Variants in MATK observed in about 807,000 individuals in gnomAD.
MATK encodes megakaryocyte-associated tyrosine-protein kinase.
MATK carries 41 observed loss-of-function variants against 59.8 expected under a neutral mutation model. The ratio of observed to expected loss-of-function variants is 0.69; its 90% CI spans 0.53 to 0.89. MATK has a LOEUF of 0.89. MATK is among the 40% of genes least tolerant of loss of function. MATK has a pLI of 0.00. For synonymous variants in MATK, 308 were observed against 306.1 expected (o/e 1.01, Z -0.06); for missense variants, 593 against 719.6 (o/e 0.82, Z 2.01).
chr19:3,788,258 G>A (rs2037508098), upstream of MATK, among the ~76,000 whole-genome samples: 1 of 151,750 alleles, frequency 6.6e-6, no homozygotes, highest in Admixed American at 6.6e-5. Context: ...GGAGGCCAAG[G>A]CGGGCAGATC....
At position 3,784,866 on chromosome 19, in the gene MATK, G is replaced by A. The variant is rs1432135911; in HGVS notation, c.91C>T (p.Arg31Ter). 22 of 1,545,790 alleles carry A rather than the reference G, an allele frequency of 1.4e-5. No individual in the cohort carries two copies. Among genetic ancestry groups the A allele is most frequent in the Non-Finnish European group, 1.3e-5 (15 of 1,141,444 alleles). ...GAGACGGGAGGGGGGTGCCAGGCTC[G>A]GAGGAAGCGGGGGCTCACCTGGGGA... The part of the protein sequence containing the change: ...ELPRVSPRFL[R>*]AWHPPPVSAR... The change falls in exon 3 of 14, where the codon CGA (arginine) becomes TGA (stop). Residue 31 changes from arginine to a stop codon, truncating the protein, a stop_gained. Transcript: ENST00000310132. LOFTEE classifies it high-confidence loss of function.
At position 3,778,237 on chromosome 19, in the gene MATK, G is replaced by T; in HGVS notation, c.1470C>A (p.Ser490=). 2 of 1,575,306 alleles carry T rather than the reference G, an allele frequency of 1.3e-6. No homozygotes were observed. The change falls in exon 14 of 14, where the codon TCC becomes TCA. Residue 490 remains serine, a synonymous_variant. Coordinates refer to ENST00000310132, the MANE Select transcript of MATK (RefSeq NM_139355.3). ...AGCCGTCGGCGTCCTGCCCTGAGAC[G>T]GAGGCTGGGGCACCTGCACTGCGTA... ...RELRSAGAPA[S]VSGQDADGST...
chr19:3,784,346 C>A lies in MATK; in HGVS notation c.238G>T (p.Ala80Ser), dbSNP rs1438899258. 1.2e-6 allele frequency: 2 copies of A among 1,606,350 alleles called. No homozygotes were observed. Among genetic ancestry groups the A allele is most frequent in the Non-Finnish European group, 1.7e-6 (2 of 1,177,410 alleles). The change falls in exon 4 of 14, where the codon GCC becomes TCC. Residue 80 changes from alanine to serine, a missense_variant. Ala to Ser is a moderately conservative substitution (Grantham distance 99). Coordinates refer to ENST00000310132, the MANE Select transcript of MATK (RefSeq NM_139355.3). The part of the protein sequence containing the change: ...RKGDVVTILE[A>S]CENKSWYRVK... ...CGCCGGCCACCTCTCACCTCGCAGGCCTCCAGGATGGTGACCACGTCGCCC... is the reference window on the plus strand; with the variant it reads ...CGCCGGCCACCTCTCACCTCGCAGGACTCCAGGATGGTGACCACGTCGCCC...
chr19:3,786,268 G>C lies in MATK; in HGVS notation c.-251C>G. 2.0e-6 allele frequency: 2 copies of C among 985,228 alleles called. No homozygotes were observed. The highest frequency in any genetic ancestry group is 2.4e-6 in the Non-Finnish European group (2 of 829,864). The allele number at this position is 985,228 out of a possible 1,614,324, so 61.0% of individuals were successfully genotyped here. On this transcript the variant is annotated 5_prime_UTR_variant, in exon 1 of 14. Coordinates refer to ENST00000310132, the MANE Select transcript of MATK (RefSeq NM_139355.3). The surrounding 1 kb of genome is among the most constrained non-coding windows in gnomAD (Gnocchi z 4.1). ...CGAGGCGGTCCCGGCTGCACAACTT[G>C]GAGCGAGTTGCTCCGTTTCCTCATT...
chr19:3,788,653 A>C (rs921972258), upstream of MATK, among the ~76,000 whole-genome samples: 1 of 146,410 alleles, frequency 6.8e-6, no homozygotes, highest in Non-Finnish European at 1.5e-5. Context: ...TAGAGATGGG[A>C]TCTGGCTATG....
intron 12 of MATK, 113 bp from the exon 13 acceptor site, chr19:3,778,708 T>C: frequency 4.1e-6 from 5 of 1,221,724 alleles, no homozygotes; most frequent in Non-Finnish European, 5.8e-6. Flanking sequence ...CTTCTCCTAA[T>C]TGAGTCCTCC....
chr19:3,795,433 C>T (rs767169779), intron 1 of MATK, among the ~76,000 whole-genome samples: 14 of 151,834 alleles, frequency 9.2e-5, no homozygotes, highest in Admixed American at 5.9e-4. Flanking sequence ...CCACCACACC[C>T]GGCTAATTTT....
At chr19:3,782,108 C>T (rs1045431683) in intron 7 of MATK, among the ~76,000 whole-genome samples, 3 of 152,136 alleles carry the variant, frequency 2.0e-5, no homozygotes, top group Non-Finnish European at 1.5e-5. Flanking sequence ...TGGGCTCTTC[C>T]CTACACAGTT....
intron 1 of MATK, among the ~76,000 whole-genome samples, chr19:3,794,042 G>A (rs1254021304): frequency 6.6e-6 from 1 of 152,000 alleles, no homozygotes; most frequent in Non-Finnish European, 1.5e-5. Context: ...CTTTGCACAT[G>A]CTCTTCCTAT....
At chr19:3,780,454 G>T (rs954406696) in intron 8 of MATK, among the ~76,000 whole-genome samples, 16 of 151,836 alleles carry the variant, frequency 1.1e-4, no homozygotes, top group African/African-American at 3.6e-4. Flanking sequence ...TTGAGACGGA[G>T]TCTTGCTCTG....
upstream of MATK, chr19:3,786,483 C>G (rs2037487202): frequency 1.2e-6 from 1 of 804,870 alleles, no homozygotes; most frequent in African/African-American, 1.9e-5. The surrounding 1 kb of genome is among the most constrained non-coding windows in gnomAD (Gnocchi z 4.1). Context: ...CCGGGGCGCA[C>G]GCGGGCTCCA....
rs750131543 is a variant in MATK, at chr19:3,779,193, G to A, written c.1002-6C>T. 1.4e-5 allele frequency: 22 copies of A among 1,577,598 alleles called. No homozygotes were observed. Among genetic ancestry groups the A allele is most frequent in the Non-Finnish European group, 1.8e-5 (21 of 1,161,258 alleles). ...CCATGCCCTCGGCCACGTGCCTGGG[G>A]GTAGTAGGGGGCAGTGGGGGCTCAG... On this transcript the variant is annotated splice_polypyrimidine_tract_variant and splice_region_variant and intron_variant, in intron 11 of 13. Transcript: ENST00000310132.
chr19:3,780,910 T>C (rs942225981), intron 8 of MATK, among the ~76,000 whole-genome samples: 69 of 151,014 alleles, frequency 4.6e-4, no homozygotes, highest in Non-Finnish European at 1.0e-4. Flanking sequence ...TTTTTTTTTG[T>C]ACAGATGGGG....
At chr19:3,798,845 G>A (rs902552352) in intron 1 of MATK, among the ~76,000 whole-genome samples, 8 of 151,194 alleles carry the variant, frequency 5.3e-5, no homozygotes, top group East Asian at 1.9e-4. Context: ...TCACTCTGTC[G>A]TACAGGATGG....
Position 3,792,624 on chromosome 19 carries a change from C to T in MATK, c.-57-3220G>A, listed in dbSNP as rs188545454. 2.0e-5 allele frequency among the ~76,000 whole-genome samples: 3 copies of T among 151,312 alleles called. No homozygotes were observed. In the East Asian group the frequency reaches 5.8e-4, roughly 29 times the overall value. On this transcript the variant is annotated intron_variant, in intron 1 of 13. Coordinates refer to the MATK transcript ENST00000395045. ...TGCCTCCTGGGTTCAAGCGATTCTCCTGCCTCAGCCTCCCGAGTAGGTGGT... is the reference window on the plus strand; with the variant it reads ...TGCCTCCTGGGTTCAAGCGATTCTCTTGCCTCAGCCTCCCGAGTAGGTGGT...
Position 3,779,183 on chromosome 19 carries a change from C to T in MATK, c.1006G>A (p.Val336Met), listed in dbSNP as rs775997521. 8.8e-6 allele frequency: 14 copies of T among 1,586,178 alleles called. No individual in the cohort carries two copies. Among genetic ancestry groups the T allele is most frequent in the African/African-American group, 1.3e-5 (1 of 74,294 alleles). Reference sequence around the variant, plus strand: ...TCCAGGTACTCCATGCCCTCGGCCACGTGCCTGGGGGTAGTAGGGGGCAGT... The same window carrying T: ...TCCAGGTACTCCATGCCCTCGGCCATGTGCCTGGGGGTAGTAGGGGGCAGT... ...TAQLLQFSLH[V>M]AEGMEYLESK... The change falls in exon 12 of 14, where the codon GTG becomes ATG. Residue 336 changes from valine (V) to methionine (M), a missense_variant. Transcript: ENST00000310132.
intron 1 of MATK, among the ~76,000 whole-genome samples, chr19:3,798,895 T>C (rs1356504255): frequency 6.6e-6 from 1 of 151,706 alleles, no homozygotes; most frequent in African/African-American, 2.4e-5. Context: ...AGCCTCAACC[T>C]CCAGGGCTCA....
intron 2 of MATK, 67 bp downstream of exon 2, chr19:3,784,984 GCAGAGAGAGCCTC>G: frequency 6.7e-7 from 1 of 1,487,512 alleles, no homozygotes. Flanking sequence ...GGCTGGGCAG[GCAGAGAGAGCCTC>G]CCCAGAGGCA....
chr19:3,785,039 G>T, intron 2 of MATK, 25 bp downstream of exon 2: 1 of 1,606,888 alleles, frequency 6.2e-7, no homozygotes, highest in Non-Finnish European at 8.5e-7. Context: ...GGCTCCCCAA[G>T]CCCCTGTGGG....
Sources: gnomAD v4.1 joint callset for allele counts (sites outside exome capture counted in the v4.1 genomes callset) on GRCh38, gnomAD v4.1.1 for gene constraint, Gnocchi (gnomAD v3.1) non-coding constraint, MANE v1.5 for transcripts, NCBI Gene and HGNC (gene_info 2026-07-23, HGNC 2026-07-21) for gene names.